Variants in IL1RAPL1 observed in about 807,000 individuals in gnomAD.
The protein encoded by IL1RAPL1 is interleukin 1 receptor accessory protein like 1, also known as interleukin-1 receptor accessory protein-like 1.
IL1RAPL1 carries 3 observed loss-of-function variants against 48.4 expected under a neutral mutation model. The observed-to-expected ratio is 0.06, with a 90% CI of 0.03 to 0.16. The LOEUF is 0.16. Among genes scored for constraint, IL1RAPL1 ranks in the 10% least tolerant of loss-of-function variants. The pLI, the probability that IL1RAPL1 is intolerant of heterozygous loss-of-function variation, is 1.00. For synonymous variants in IL1RAPL1, 185 were observed against 187.7 expected, an observed-to-expected ratio of 0.99 and a Z score of 0.12; for missense variants, 349 against 530.6, an observed-to-expected ratio of 0.66 and a Z score of 3.36.
intron 1 of IL1RAPL1, among the ~76,000 whole-genome samples, chrX:28,783,229 A>G (rs1005900415): frequency 2.7e-5 from 3 of 111,954 alleles, no homozygotes; most frequent in Non-Finnish European, 5.6e-5. Flanking sequence ...TGAACTCCAC[A>G]GTGTTTAATT....
At chrX:29,510,865 T>A (rs911100517) in intron 5 of IL1RAPL1, among the ~76,000 whole-genome samples, 1 of 112,038 alleles carries the variant, frequency 8.9e-6, no homozygotes, top group East Asian at 2.8e-4. Context: ...TTGCCATATA[T>A]GTGAATACTG....
chrX:29,155,208 C>G (rs769916601), intron 2 of IL1RAPL1, among the ~76,000 whole-genome samples: 1 of 110,404 alleles, frequency 9.1e-6, no homozygotes, highest in South Asian at 3.9e-4. Flanking sequence ...GACGGGGTTT[C>G]ATCATATTGG....
At chrX:28,962,262 A>G (rs1461069573) in intron 2 of IL1RAPL1, among the ~76,000 whole-genome samples, 1 of 112,003 alleles carries the variant, frequency 8.9e-6, no homozygotes, top group African/African-American at 3.2e-5. Context: ...CTCTCTAGCA[A>G]TGTTTTGTTT....
chrX:29,310,093 C>CAAAAAAAAAAAAAAAA (rs57210050), intron 3 of IL1RAPL1, among the ~76,000 whole-genome samples: 1 of 23,736 alleles, frequency 4.2e-5, no homozygotes, highest in Non-Finnish European at 6.5e-5. Flanking sequence ...GACTCCGTCT[C>CAAAAAAAAAAAAAAAA]AAAAAAAAAA....
chrX:28,607,604 T>G (rs1934099650), intron 1 of IL1RAPL1, among the ~76,000 whole-genome samples: 1 of 111,297 alleles, frequency 9.0e-6, no homozygotes, highest in African/African-American at 3.3e-5. Flanking sequence ...GAATGCTACC[T>G]TAGATCTAAA....
intron 6 of IL1RAPL1, among the ~76,000 whole-genome samples, chrX:29,890,964 T>C (rs751106795): frequency 1.8e-5 from 2 of 112,243 alleles, no homozygotes; most frequent in Non-Finnish European, 3.8e-5. Flanking sequence ...CTGCTGTGCA[T>C]CTGAGTCATG....
intron 3 of IL1RAPL1, among the ~76,000 whole-genome samples, chrX:29,348,104 G>A (rs772981610): frequency 7.1e-5 from 8 of 112,570 alleles, no homozygotes; most frequent in Middle Eastern, 4.6e-3. Context: ...AAAACTGCAC[G>A]TAAGGGGGAC....
chrX:29,149,673 A>T (rs1448233434), intron 2 of IL1RAPL1, among the ~76,000 whole-genome samples: 1 of 112,024 alleles, frequency 8.9e-6, no homozygotes, highest in African/African-American at 3.2e-5. Flanking sequence ...TGGCAAAGCC[A>T]GGCCTAAACC....
intron 3 of IL1RAPL1, among the ~76,000 whole-genome samples, chrX:29,328,741 C>T (rs980108112): frequency 4.6e-5 from 5 of 108,921 alleles, no homozygotes; most frequent in Non-Finnish European, 7.6e-5. Flanking sequence ...TCAGTAATAA[C>T]GTCATGGAGG....
rs1369231842 is a variant in IL1RAPL1, at chrX:28,941,713, C to G, written c.82+152288C>G. 7.2e-5 allele frequency among the ~76,000 whole-genome samples: 8 copies of G among 111,096 alleles called. No individual in the cohort carries two copies. The Admixed American group carries it at 7.7e-4, about 11-fold the overall frequency. ...GATCCTTTTAGACATATGTCACACA[C>G]TTTCTTCTCATGCTCAAGAGGGTGA... On this transcript the variant is annotated intron_variant, in intron 2 of 10. Transcript: ENST00000378993.
At chrX:28,679,525 A>G (rs1408386604) in intron 1 of IL1RAPL1, among the ~76,000 whole-genome samples, 1 of 111,407 alleles carries the variant, frequency 9.0e-6, no homozygotes, top group Non-Finnish European at 1.9e-5. Context: ...ATTACAAAAA[A>G]GTCATTGGCA....
At chrX:29,535,753 A>G (rs762273448) in intron 5 of IL1RAPL1, among the ~76,000 whole-genome samples, 4 of 112,225 alleles carry the variant, frequency 3.6e-5, no homozygotes, top group Non-Finnish European at 7.5e-5. Context: ...GTATCAAGGT[A>G]AAAACAAGAA....
intron 2 of IL1RAPL1, among the ~76,000 whole-genome samples, chrX:29,000,684 G>A (rs1925830187): frequency 8.9e-6 from 1 of 112,070 alleles, no homozygotes. Flanking sequence ...CAGAGAATGT[G>A]TATGAACACA....
chrX:28,788,632 ATT>A (rs140618332), intron 1 of IL1RAPL1, among the ~76,000 whole-genome samples: 10 of 92,730 alleles, frequency 1.1e-4, no homozygotes, highest in South Asian at 5.4e-4. Flanking sequence ...ACGCCCAGCT[ATT>A]TTTTTTTTTT....
At chrX:28,800,195 T>C (rs1936657232) in intron 2 of IL1RAPL1, among the ~76,000 whole-genome samples, 1 of 111,901 alleles carries the variant, frequency 8.9e-6, no homozygotes, top group Admixed American at 9.5e-5. Context: ...CCTCTGTGTC[T>C]TTAATCTCCT....
intron 2 of IL1RAPL1, among the ~76,000 whole-genome samples, chrX:29,034,810 T>C (rs1251578381): frequency 9.0e-6 from 1 of 111,291 alleles, no homozygotes; most frequent in African/African-American, 3.3e-5. Context: ...CCAATATGTA[T>C]TTTAAAAATC....
chrX:28,690,725 C>T lies in IL1RAPL1; in HGVS notation c.-24-98595C>T, dbSNP rs757460658. ...ATCCTCTCCTGCTCCCTCCCTCATG[C>T]ATTTTGTTAGTCGAGACAAACATAA... On this transcript the variant is annotated intron_variant, in intron 1 of 10. Transcript: ENST00000378993. Among the ~76,000 whole-genome samples, 99 of 111,583 alleles carry T rather than the reference C, an allele frequency of 8.9e-4. 1 individual carries two copies. The highest frequency in any genetic ancestry group is 2.6e-3 in the African/African-American group (79 of 30,569).
At chrX:29,280,985 C>G (rs1423711984) in intron 2 of IL1RAPL1, among the ~76,000 whole-genome samples, 2 of 112,044 alleles carry the variant, frequency 1.8e-5, no homozygotes. Context: ...AGACTCCTGG[C>G]ACATCGTTAA....
chrX:28,788,100 A>T (rs1172120382), intron 1 of IL1RAPL1, among the ~76,000 whole-genome samples: 5 of 111,765 alleles, frequency 4.5e-5, no homozygotes, highest in African/African-American at 1.6e-4. Flanking sequence ...ATAATTAATG[A>T]TACTACATTG....
Sources: allele counts gnomAD v4.1 joint callset (sites outside exome capture counted in the v4.1 genomes callset), GRCh38; gene constraint gnomAD v4.1.1; transcripts MANE v1.5; gene names NCBI Gene and HGNC (gene_info 2026-07-23, HGNC 2026-07-21).